Variants in CDH20 observed in about 807,000 individuals in gnomAD.
The protein encoded by CDH20 is cadherin 20, also known as cadherin-20.
A neutral mutation model predicts 74.2 loss-of-function variants in CDH20; 29 were observed. That is an observed-to-expected ratio of 0.39 (90% CI 0.29 to 0.53). CDH20 has a LOEUF of 0.53. Among genes scored for constraint, CDH20 ranks in the 20% least tolerant of loss-of-function variants. The pLI, the probability that CDH20 is intolerant of heterozygous loss-of-function variation, is 0.69. For missense variants in CDH20, 988 were observed against 1,048.3 expected, an observed-to-expected ratio of 0.94 and a Z score of 0.79; for synonymous variants, 469 against 405.4, an observed-to-expected ratio of 1.16 and a Z score of -1.88.
chr18:61,428,172 G>A (rs1913135652), intron 1 of CDH20, among the ~76,000 whole-genome samples: 1 of 152,192 alleles, frequency 6.6e-6, no homozygotes, highest in African/African-American at 2.4e-5. Context: ...TGAATCCTGT[G>A]TTTCCCAAGT....
rs753542492 is a variant in CDH20, at chr18:61,499,363, G to A, written c.424G>A (p.Gly142Ser). ...GGCTCAAGCCCTAGACAGGCGGACGGGCAGGCCAATGGAGCCCGAGTCAGA... is the reference window on the plus strand; with the variant it reads ...GGCTCAAGCCCTAGACAGGCGGACGAGCAGGCCAATGGAGCCCGAGTCAGA... Reference protein sequence around the residue: ...LRAQALDRRTGRPMEPESEFI... With the variant: ...LRAQALDRRTSRPMEPESEFI... The change falls in exon 3 of 12, where the codon GGC (glycine) becomes AGC (serine). Residue 142 changes from glycine (G) to serine (S), a missense_variant. Around this residue, in one of 2 missense-constraint regions of CDH20, gnomAD observed 613 missense variants for 755.2 expected, o/e 0.81. Coordinates refer to ENST00000262717, the MANE Select transcript of CDH20 (RefSeq NM_031891.4). 1.4e-5 allele frequency: 22 copies of A among 1,613,946 alleles called. No individual in the cohort carries two copies. The highest frequency in any genetic ancestry group is 6.7e-5 in the East Asian group (3 of 44,878).
intron 1 of CDH20, among the ~76,000 whole-genome samples, chr18:61,398,937 C>T (rs752290540): frequency 2.6e-5 from 4 of 152,130 alleles, no homozygotes; most frequent in African/African-American, 9.7e-5. Flanking sequence ...AGGGTAGGCC[C>T]TTTGATCCCA....
At chr18:61,453,123 C>T (rs141216682) in intron 1 of CDH20, among the ~76,000 whole-genome samples, 142 of 152,204 alleles carry the variant, frequency 9.3e-4, no homozygotes, top group African/African-American at 3.3e-3. Flanking sequence ...ACCACAGGGC[C>T]CTTTATGTTA....
At chr18:61,382,043 T>C (rs1188503213) in intron 1 of CDH20, among the ~76,000 whole-genome samples, 1 of 152,166 alleles carries the variant, frequency 6.6e-6, no homozygotes, top group Admixed American at 6.6e-5. Context: ...TGCTCATCAA[T>C]CCCATTTTCT....
At chr18:61,416,918 A>C (rs1436011374) in intron 1 of CDH20, among the ~76,000 whole-genome samples, 1 of 152,264 alleles carries the variant, frequency 6.6e-6, no homozygotes, top group Non-Finnish European at 1.5e-5. Flanking sequence ...CTATAGATAT[A>C]TACCGTTTAT....
At chr18:61,426,223 A>G (rs557017191) in intron 1 of CDH20, among the ~76,000 whole-genome samples, 1 of 152,236 alleles carries the variant, frequency 6.6e-6, no homozygotes, top group East Asian at 1.9e-4. Context: ...AAATGGGAAA[A>G]AGAGAGCCCC....
chr18:61,538,620 G>GTTTTTTTT (rs746315637), intron 8 of CDH20, among the ~76,000 whole-genome samples: 3 of 41,544 alleles, frequency 7.2e-5, no homozygotes, highest in African/African-American at 1.4e-4. Flanking sequence ...TTTTGTTTTT[G>GTTTTTTTT]TTTTGTTTTT....
intron 1 of CDH20, among the ~76,000 whole-genome samples, chr18:61,464,380 C>T (rs1909893286): frequency 6.6e-6 from 1 of 152,032 alleles, no homozygotes; most frequent in African/African-American, 2.4e-5. Flanking sequence ...CTAGTCTCAC[C>T]CCTTCCCACT....
intron 1 of CDH20, among the ~76,000 whole-genome samples, chr18:61,370,429 A>T (rs752072705): frequency 6.6e-6 from 1 of 152,106 alleles, no homozygotes; most frequent in African/African-American, 2.4e-5. Flanking sequence ...GATATAGAAT[A>T]GTTTTCATAA....
chr18:61,491,865 A>G (rs1167809110), intron 2 of CDH20, among the ~76,000 whole-genome samples: 1 of 151,726 alleles, frequency 6.6e-6, no homozygotes, highest in African/African-American at 2.4e-5. Context: ...TGACCTTCAC[A>G]ATCCCGTTTT....
intron 1 of CDH20, among the ~76,000 whole-genome samples, chr18:61,339,992 G>A (rs1306438105): frequency 1.3e-5 from 2 of 151,892 alleles, no homozygotes; most frequent in African/African-American, 2.4e-5. Context: ...GCCCGGCCAG[G>A]TCATAGAAAT....
rs775003739 is a variant in CDH20, at chr18:61,490,767, T to A, written c.214T>A (p.Tyr72Asn). The A allele has an allele frequency of 1.2e-6, 2 of 1,614,020 alleles. No homozygotes were observed. The highest frequency in any genetic ancestry group is 3.3e-5 in the Admixed American group (2 of 60,000). Residue 72 changes from tyrosine (Y) to asparagine (N), a missense_variant, in exon 2 of 12, where the codon TAC becomes AAC. This residue lies in a region of CDH20 where 613 missense variants were observed against 755.2 expected (regional missense o/e 0.81). Coordinates refer to ENST00000262717, the MANE Select transcript of CDH20 (RefSeq NM_031891.4). ...GAACCAGTTTTTCGTTCTGGAAGAG[T>A]ACACTGGGACCGACCCTTTGTATGT... ...VWNQFFVLEE[Y>N]TGTDPLYVGK...
intron 6 of CDH20, among the ~76,000 whole-genome samples, chr18:61,518,118 A>C (rs1489474022): frequency 6.6e-6 from 1 of 152,154 alleles, no homozygotes; most frequent in African/African-American, 2.4e-5. Flanking sequence ...CAGCAGCCCC[A>C]GTCAGGGGCT....
chr18:61,467,582 G>C (rs1910004775), intron 1 of CDH20, among the ~76,000 whole-genome samples: 1 of 152,048 alleles, frequency 6.6e-6, no homozygotes, highest in Admixed American at 6.6e-5. Context: ...AATAATGAAG[G>C]AAAAGATCCA....
Position 61,554,367 on chromosome 18 carries a change from C to G in CDH20, c.2078C>G (p.Ala693Gly), listed in dbSNP as rs772922037. 1.2e-6 allele frequency: 2 copies of G among 1,612,966 alleles called. No individual in the cohort carries two copies. Among genetic ancestry groups the G allele is most frequent in the South Asian group, 2.2e-5 (2 of 91,036 alleles). ...AACCCCCGGGAGGCGCAGGCGGGGG[C>G]CGCCCCCAAGACGCGGCAGGACATG... ...MWNPREAQAGAAPKTRQDMLP... is the reference protein window; with the variant it reads ...MWNPREAQAGGAPKTRQDMLP... The change falls in exon 12 of 12, where the codon GCC becomes GGC. Residue 693 changes from alanine (A) to glycine (G), a missense_variant. Physicochemically the swap from Ala to Gly is moderately conservative, Grantham distance 60 (BLOSUM62 0). Coordinates refer to ENST00000262717, the MANE Select transcript of CDH20 (RefSeq NM_031891.4).
At chr18:61,342,957 A>C (rs1320453063) in intron 1 of CDH20, among the ~76,000 whole-genome samples, 1 of 152,178 alleles carries the variant, frequency 6.6e-6, no homozygotes, top group Admixed American at 6.5e-5. Flanking sequence ...CTGGGTGATC[A>C]GGGGATTGCC....
chr18:61,376,789 C>T (rs1911248573), intron 1 of CDH20, among the ~76,000 whole-genome samples: 1 of 151,964 alleles, frequency 6.6e-6, no homozygotes, highest in Non-Finnish European at 1.5e-5. Context: ...AACTTGTGAG[C>T]TATCTGAGGG....
intron 1 of CDH20, among the ~76,000 whole-genome samples, chr18:61,431,151 G>A (rs1355934555): frequency 6.6e-6 from 1 of 152,076 alleles, no homozygotes; most frequent in African/African-American, 2.4e-5. Flanking sequence ...AGCATCCCAT[G>A]TTGCCTTCCT....
chr18:61,465,170 GT>G (rs1909919142), intron 1 of CDH20, among the ~76,000 whole-genome samples: 1 of 152,102 alleles, frequency 6.6e-6, no homozygotes, highest in African/African-American at 2.4e-5. Flanking sequence ...CCTAGATATT[GT>G]TTTCAATTGA....
Sources: allele counts gnomAD v4.1 joint callset (sites outside exome capture counted in the v4.1 genomes callset), GRCh38; gene constraint gnomAD v4.1.1; regional missense constraint gnomAD v4.1.1; transcripts MANE v1.5; gene names NCBI Gene and HGNC (gene_info 2026-07-23, HGNC 2026-07-21).